DLG2: variants seen among roughly 807,000 people sequenced by gnomAD.
The protein encoded by DLG2 is discs large MAGUK scaffold protein 2.
DLG2 carries 45 observed loss-of-function variants against 132.5 expected under a neutral mutation model. The ratio of observed to expected loss-of-function variants is 0.34; its 90% confidence interval spans 0.27 to 0.44. The LOEUF is 0.44. Ranked by LOEUF, DLG2 falls within the 20% of genes least tolerant of loss-of-function variation. DLG2 has a pLI of 1.00. For synonymous variants in DLG2, 424 were observed against 419.6 expected (o/e 1.01, Z -0.13); for missense variants, 1,045 against 1,196.9 (o/e 0.87, Z 1.87).
intron 6 of DLG2, among the ~76,000 whole-genome samples, chr11:84,675,190 C>T (rs2099709962): frequency 6.6e-6 from 1 of 152,206 alleles, no homozygotes; most frequent in East Asian, 1.9e-4. Flanking sequence ...ATTTTCAGCA[C>T]CTGTTTGGAT....
At chr11:84,171,558 C>A (rs888399515) in intron 8 of DLG2, among the ~76,000 whole-genome samples, 6 of 152,144 alleles carry the variant, frequency 3.9e-5, no homozygotes, top group African/African-American at 1.2e-4. Flanking sequence ...AGACTTCATT[C>A]TTTTTTATGG....
intron 6 of DLG2, among the ~76,000 whole-genome samples, chr11:85,095,130 AC>A (rs2069508135): frequency 6.6e-6 from 1 of 152,142 alleles, no homozygotes. Context: ...ATTTTATGAC[AC>A]CCCAAACCAA....
At chr11:85,603,300 T>A (rs2080293327) in intron 2 of DLG2, among the ~76,000 whole-genome samples, 1 of 152,166 alleles carries the variant, frequency 6.6e-6, no homozygotes, top group African/African-American at 2.4e-5. Context: ...TTCTAACCCA[T>A]CCCTACACAC....
chr11:85,241,506 G>A (rs2075875781), intron 4 of DLG2, among the ~76,000 whole-genome samples: 1 of 151,750 alleles, frequency 6.6e-6, no homozygotes, highest in Middle Eastern at 3.2e-3. Flanking sequence ...ACATTTCTCT[G>A]TTTACATTAA....
intron 6 of DLG2, among the ~76,000 whole-genome samples, chr11:85,100,876 A>G (rs886650853): frequency 6.6e-6 from 1 of 152,164 alleles, no homozygotes; most frequent in African/African-American, 2.4e-5. Context: ...TCATCCTGAG[A>G]ATTAAGGTTA....
At chr11:84,469,455 A>T (rs915685652) in intron 7 of DLG2, among the ~76,000 whole-genome samples, 8 of 151,662 alleles carry the variant, frequency 5.3e-5, no homozygotes, top group Non-Finnish European at 1.2e-4. Context: ...AAACCTTTAA[A>T]GCCTCAGCAA....
intron 6 of DLG2, among the ~76,000 whole-genome samples, chr11:84,849,259 G>T (rs548220434): frequency 3.3e-4 from 50 of 152,262 alleles, no homozygotes; most frequent in African/African-American, 1.1e-3. Flanking sequence ...AATGGTGGTT[G>T]TTTTAAGCAA....
intron 7 of DLG2, among the ~76,000 whole-genome samples, chr11:84,433,173 C>T (rs1317041598): frequency 3.9e-5 from 6 of 152,036 alleles, no homozygotes; most frequent in Admixed American, 1.3e-4. Context: ...TTCCTAAATG[C>T]ATCATGAAAG....
chr11:84,127,782 C>A (rs2094244960), intron 9 of DLG2, among the ~76,000 whole-genome samples: 1 of 152,148 alleles, frequency 6.6e-6, no homozygotes, highest in African/African-American at 2.4e-5. Context: ...GTATCTGTCT[C>A]TGTGTCTAAA....
At chr11:85,383,755 T>A (rs929555180) in intron 3 of DLG2, among the ~76,000 whole-genome samples, 1 of 152,188 alleles carries the variant, frequency 6.6e-6, no homozygotes, top group Non-Finnish European at 1.5e-5. Flanking sequence ...TTCTGCCTAA[T>A]AAAGTTATAT....
At chr11:85,285,121 G>T in intron 4 of DLG2, 99 bp downstream of exon 4, 1 of 1,029,308 alleles carries the variant, frequency 9.7e-7, no homozygotes, top group Non-Finnish European at 1.4e-6. Flanking sequence ...TATTATTGTT[G>T]TTGCCATTTG....
At chr11:84,744,509 A>G (rs2065101883) in intron 6 of DLG2, among the ~76,000 whole-genome samples, 1 of 152,208 alleles carries the variant, frequency 6.6e-6, no homozygotes, top group Non-Finnish European at 1.5e-5. Flanking sequence ...TTCTGACTGC[A>G]CTAATTAGGG....
chr11:83,938,841 C>T (rs927495648), intron 14 of DLG2, among the ~76,000 whole-genome samples: 2 of 152,186 alleles, frequency 1.3e-5, no homozygotes, highest in East Asian at 1.9e-4. Flanking sequence ...GTGATAAATA[C>T]GGAAGAGTGA....
At chr11:83,741,414 C>T (rs1407129708) in intron 18 of DLG2, among the ~76,000 whole-genome samples, 1 of 152,118 alleles carries the variant, frequency 6.6e-6, no homozygotes, top group African/African-American at 2.4e-5. Context: ...CCTAAAGACT[C>T]TACCAAAAGG....
chr11:84,348,073 G>A (rs946435224), intron 7 of DLG2, among the ~76,000 whole-genome samples: 2 of 152,140 alleles, frequency 1.3e-5, no homozygotes, highest in Non-Finnish European at 2.9e-5. Context: ...ACTATGGAAA[G>A]CATGTGACAC....
chr11:84,642,506 C>G (rs2099668769), intron 6 of DLG2, among the ~76,000 whole-genome samples: 1 of 152,056 alleles, frequency 6.6e-6, no homozygotes, highest in Non-Finnish European at 1.5e-5. Flanking sequence ...CAAATAGCTC[C>G]TATGTACCAA....
intron 6 of DLG2, among the ~76,000 whole-genome samples, chr11:84,857,887 C>A (rs1213494422): frequency 1.3e-5 from 2 of 151,650 alleles, no homozygotes; most frequent in Admixed American, 1.3e-4. Flanking sequence ...TTTGTAGCCA[C>A]TAACTTTTTT....
At chr11:85,296,468 T>TTTTTTTTTTTTTTTTTC (rs2079220654) in intron 3 of DLG2, among the ~76,000 whole-genome samples, 1 of 14,778 alleles carries the variant, frequency 6.8e-5, no homozygotes, top group Non-Finnish European at 1.7e-4. Context: ...TTCGATTTTC[T>TTTTTTTTTTTTTTTTTC]TTTTTTTTTT....
chr11:84,928,993 T>C, intron 6 of DLG2, among the ~76,000 whole-genome samples: 1 of 114,878 alleles, frequency 8.7e-6, no homozygotes, highest in East Asian at 2.6e-4. Flanking sequence ...TATATATATA[T>C]ATATATATAT....
Sources: gnomAD v4.1 joint callset for allele counts (sites outside exome capture counted in the v4.1 genomes callset) on GRCh38, gnomAD v4.1.1 for gene constraint, MANE v1.5 for transcripts, NCBI Gene and HGNC (gene_info 2026-07-23, HGNC 2026-07-21) for gene names.